The following LPP variants were observed in gnomAD, a reference collection of about 807,000 sequenced individuals.
LPP encodes LIM domain containing preferred translocation partner in lipoma.
Under a neutral mutation model 60.4 loss-of-function variants are expected in LPP, and 38 were observed. The ratio of observed to expected loss-of-function variants is 0.63; its 90% CI spans 0.49 to 0.83. The LOEUF is 0.83. LPP is among the 40% of genes least tolerant of loss of function. The pLI is 0.00. For missense variants in LPP, 902 were observed against 783.6 expected (o/e 1.15, Z -1.80); for synonymous variants, 328 against 290.8 (o/e 1.13, Z -1.30).
At chr3:188,855,337 A>G (rs1325678814) in intron 9 of LPP, among the ~76,000 whole-genome samples, 1 of 152,270 alleles carries the variant, frequency 6.6e-6, no homozygotes, top group East Asian at 1.9e-4. Flanking sequence ...CAGAGGCTGC[A>G]AATGCAGTAG....
intron 9 of LPP, among the ~76,000 whole-genome samples, chr3:188,858,296 G>A (rs1764314776): frequency 6.6e-6 from 1 of 152,066 alleles, no homozygotes; most frequent in African/African-American, 2.4e-5. Context: ...TTATGCCCAT[G>A]GCATGAGGGT....
intron 2 of LPP, among the ~76,000 whole-genome samples, chr3:188,240,339 AAGAGTG>A (rs1723738499): frequency 7.0e-6 from 1 of 143,740 alleles, no homozygotes; most frequent in African/African-American, 2.7e-5. Flanking sequence ...AGTTTTGGGT[AAGAGTG>A]TGTGTGTGTG....
intron 1 of LPP, among the ~76,000 whole-genome samples, chr3:188,200,245 ATTTT>A (rs532406589): frequency 1.4e-5 from 2 of 139,828 alleles, no homozygotes. Context: ...GGGTTTAAGA[ATTTT>A]TTTTTTTTTT....
At chr3:188,814,544 A>G (rs1359841978) in intron 9 of LPP, among the ~76,000 whole-genome samples, 2 of 152,164 alleles carry the variant, frequency 1.3e-5, no homozygotes, top group African/African-American at 2.4e-5. Context: ...CTTGAATTCC[A>G]TGTACTTTTT....
intron 2 of LPP, among the ~76,000 whole-genome samples, chr3:188,300,468 T>TC (rs1749434633): frequency 1.3e-5 from 2 of 151,706 alleles, no homozygotes; most frequent in Non-Finnish European, 2.9e-5. Context: ...TTTTTTTTTT[T>TC]TTTTTTTGGC....
chr3:188,857,402 C>G (rs1764107681), intron 9 of LPP, among the ~76,000 whole-genome samples: 1 of 152,204 alleles, frequency 6.6e-6, no homozygotes, highest in Admixed American at 6.5e-5. Flanking sequence ...TTAGAAAACA[C>G]AGGTTCAAAT....
intron 9 of LPP, among the ~76,000 whole-genome samples, chr3:188,851,543 C>G (rs1449712865): frequency 2.0e-5 from 3 of 152,150 alleles, no homozygotes; most frequent in Non-Finnish European, 4.4e-5. Flanking sequence ...TGCTCATATG[C>G]TCTAGGATTT....
chr3:188,200,927 T>A (rs1294174346), intron 1 of LPP, among the ~76,000 whole-genome samples: 1 of 152,202 alleles, frequency 6.6e-6, no homozygotes, highest in African/African-American at 2.4e-5. Flanking sequence ...TGTTTAATAT[T>A]TGTTTATTTA....
rs777945680 is a variant in LPP at position 188,309,022 on chromosome 3, CTT to C, written c.-66-32625_-66-32624del. On this transcript the variant is annotated intron_variant, in intron 2 of 11. Coordinates refer to ENST00000617246, the MANE Select transcript of LPP (RefSeq NM_001375462.1). Reference sequence around the variant, plus strand: ...TCTCCTTCTTCTTTTTCTTCTTCTTCTTTTTTTTTTTTTTTTTGATATGGAGT... The same window carrying C: ...TCTCCTTCTTCTTTTTCTTCTTCTTCTTTTTTTTTTTTTTTGATATGGAGT... Among the ~76,000 whole-genome samples the C allele has an allele frequency of 8.4e-5, 10 of 119,700 alleles. No homozygotes were observed. In the South Asian group the frequency reaches 1.1e-3, roughly 13 times the overall value. 78.5% of individuals were successfully genotyped at this position (119,700 alleles called of 152,430 possible).
intron 4 of LPP, among the ~76,000 whole-genome samples, chr3:188,480,909 T>C (rs1416446224): frequency 6.6e-6 from 1 of 152,224 alleles, no homozygotes; most frequent in Non-Finnish European, 1.5e-5. Flanking sequence ...GCTCTTTCAT[T>C]CTTTCATTGT....
At chr3:188,775,554 T>C (rs1737477332) in intron 9 of LPP, among the ~76,000 whole-genome samples, 1 of 152,194 alleles carries the variant, frequency 6.6e-6, no homozygotes, top group African/African-American at 2.4e-5. Context: ...TTCAGAGGGT[T>C]ATTATACATT....
At chr3:188,181,695 A>T (rs1725054581) in intron 1 of LPP, among the ~76,000 whole-genome samples, 1 of 152,188 alleles carries the variant, frequency 6.6e-6, no homozygotes, top group Admixed American at 6.5e-5. Context: ...ATGTTTAAAA[A>T]TTTATTTAAT....
intron 8 of LPP, chr3:188,709,955 TG>T (rs1354796674): frequency 2.0e-5 from 3 of 152,364 alleles, no homozygotes; most frequent in African/African-American, 7.2e-5. Flanking sequence ...CCTTTGTTCC[TG>T]TATTTATCTC....
chr3:188,714,025 G>A (rs866831868), intron 8 of LPP, among the ~76,000 whole-genome samples: 4 of 152,066 alleles, frequency 2.6e-5, no homozygotes, highest in African/African-American at 7.2e-5. Flanking sequence ...AAACCAAGTC[G>A]CAGCCACAAC....
chr3:188,515,319 T>C (rs1436202748), intron 5 of LPP, among the ~76,000 whole-genome samples: 2 of 152,172 alleles, frequency 1.3e-5, no homozygotes, highest in Non-Finnish European at 2.9e-5. Context: ...CCATATGACA[T>C]GGTAGCTCCC....
intron 4 of LPP, among the ~76,000 whole-genome samples, chr3:188,452,572 A>T (rs978099095): frequency 9.9e-5 from 15 of 152,146 alleles, no homozygotes; most frequent in African/African-American, 3.4e-4. Context: ...CAAATAAGAA[A>T]GGACTTGGGA....
intron 4 of LPP, among the ~76,000 whole-genome samples, chr3:188,477,909 TA>T (rs1400414623): frequency 2.6e-5 from 4 of 152,294 alleles, no homozygotes; most frequent in Non-Finnish European, 5.9e-5. Context: ...ATGCTGCATT[TA>T]AAAATATTTC....
chr3:188,160,146 G>C (rs1370436650), intron 1 of LPP, among the ~76,000 whole-genome samples: 1 of 150,866 alleles, frequency 6.6e-6, no homozygotes, highest in African/African-American at 2.4e-5. Flanking sequence ...TCCTGACCTC[G>C]TGATCCACCT....
chr3:188,522,825 G>GTA (rs1819323010), intron 5 of LPP, among the ~76,000 whole-genome samples: 1 of 140,060 alleles, frequency 7.1e-6, no homozygotes, highest in Non-Finnish European at 1.6e-5. Context: ...ATGTGTATGT[G>GTA]TGTGTGTATG....
Sources: allele counts gnomAD v4.1 joint callset (sites outside exome capture counted in the v4.1 genomes callset), GRCh38; gene constraint gnomAD v4.1.1; transcripts MANE v1.5; gene names NCBI Gene and HGNC (gene_info 2026-07-23, HGNC 2026-07-21).